NCK2: variants seen among roughly 807,000 people sequenced by gnomAD.
NCK2 encodes the protein cytoplasmic protein NCK2.
A neutral mutation model predicts 33.9 loss-of-function variants in NCK2; 16 were observed. That is an observed-to-expected ratio of 0.47 (90% CI 0.32 to 0.72). The LOEUF is 0.72. Among genes scored for constraint, NCK2 ranks in the 30% least tolerant of loss-of-function variants. The pLI, the probability that NCK2 is intolerant of heterozygous loss-of-function variation, is 0.03. For synonymous variants in NCK2, 273 were observed against 239.9 expected, an observed-to-expected ratio of 1.14 and a Z score of -1.27; for missense variants, 418 against 537.3, an observed-to-expected ratio of 0.78 and a Z score of 2.19.
At chr2:105,808,180 G>C (rs931495301) in intron 1 of NCK2, among the ~76,000 whole-genome samples, 3 of 152,180 alleles carry the variant, frequency 2.0e-5, no homozygotes, top group African/African-American at 7.2e-5. Context: ...TTACAGGCGT[G>C]AGCCACTGTG....
chr2:105,786,029 T>C (rs1469098449), intron 1 of NCK2, among the ~76,000 whole-genome samples: 1 of 152,194 alleles, frequency 6.6e-6, no homozygotes, highest in Non-Finnish European at 1.5e-5. Flanking sequence ...TCTGTCAATT[T>C]TCTCATTTAC....
chr2:105,866,207 G>T (rs1051798544), intron 3 of NCK2, among the ~76,000 whole-genome samples: 1 of 152,176 alleles, frequency 6.6e-6, no homozygotes, highest in Non-Finnish European at 1.5e-5. Context: ...AGCCACCGTG[G>T]CCAGCTGGGA....
chr2:105,804,674 G>C (rs1401283409), intron 1 of NCK2, among the ~76,000 whole-genome samples: 2 of 152,148 alleles, frequency 1.3e-5, no homozygotes, highest in Non-Finnish European at 1.5e-5. Flanking sequence ...CCTCTTCATT[G>C]ACTGCTTGCA....
At chr2:105,772,422 T>A (rs577488218) in intron 1 of NCK2, among the ~76,000 whole-genome samples, 3 of 152,216 alleles carry the variant, frequency 2.0e-5, no homozygotes, top group African/African-American at 7.2e-5. Context: ...AATGTGGGCA[T>A]AGTCCTGGGT....
intron 1 of NCK2, among the ~76,000 whole-genome samples, chr2:105,801,070 G>A (rs1674815672): frequency 6.6e-6 from 1 of 152,240 alleles, no homozygotes; most frequent in Non-Finnish European, 1.5e-5. Context: ...GGTGAAAGCT[G>A]GGCGTGCTGA....
intron 2 of NCK2, among the ~76,000 whole-genome samples, chr2:105,820,605 G>A (rs569640640): frequency 3.9e-5 from 6 of 152,194 alleles, no homozygotes; most frequent in Non-Finnish European, 8.8e-5. Context: ...GGAGACCATA[G>A]GAAGAGCCAG....
At chr2:105,787,493 G>A (rs567714761) in intron 1 of NCK2, among the ~76,000 whole-genome samples, 1 of 152,252 alleles carries the variant, frequency 6.6e-6, no homozygotes, top group African/African-American at 2.4e-5. Context: ...GGCAGCCATC[G>A]GCAAGCCAGA....
chr2:105,789,133 A>C (rs1421566297), intron 1 of NCK2, among the ~76,000 whole-genome samples: 1 of 152,074 alleles, frequency 6.6e-6, no homozygotes, highest in African/African-American at 2.4e-5. Context: ...CTCGGCTCCC[A>C]TAGCGGGTGT....
At chr2:105,806,563 G>A (rs898975296) in intron 1 of NCK2, among the ~76,000 whole-genome samples, 4 of 151,980 alleles carry the variant, frequency 2.6e-5, no homozygotes, top group Non-Finnish European at 5.9e-5. Flanking sequence ...ATTCATCAGT[G>A]GACACTTAGA....
chr2:105,826,375 TTG>T (rs1675944225), intron 2 of NCK2, among the ~76,000 whole-genome samples: 1 of 152,064 alleles, frequency 6.6e-6, no homozygotes, highest in Non-Finnish European at 1.5e-5. Flanking sequence ...AAGATAAGAT[TTG>T]GGTGGGGACA....
At chr2:105,773,274 T>G (rs1000352404) in intron 1 of NCK2, among the ~76,000 whole-genome samples, 1 of 152,004 alleles carries the variant, frequency 6.6e-6, no homozygotes, top group African/African-American at 2.4e-5. Context: ...TTGCAGTTGT[T>G]TCTCGAATCC....
chr2:105,800,037 T>C (rs1024877135), intron 1 of NCK2, among the ~76,000 whole-genome samples: 2 of 152,240 alleles, frequency 1.3e-5, no homozygotes, highest in Admixed American at 6.5e-5. Flanking sequence ...TCTTTGTTCA[T>C]GTGGTATCAT....
chr2:105,867,523 C>G (rs1195612156), intron 3 of NCK2, among the ~76,000 whole-genome samples: 1 of 152,034 alleles, frequency 6.6e-6, no homozygotes, highest in Non-Finnish European at 1.5e-5. Context: ...GAGGATACTT[C>G]GAGAGAAAAT....
intron 4 of NCK2, among the ~76,000 whole-genome samples, chr2:105,892,131 C>T (rs1324338239): frequency 1.3e-5 from 2 of 151,802 alleles, no homozygotes; most frequent in African/African-American, 4.8e-5. Flanking sequence ...TTGCAGTGAG[C>T]CAAGATCACA....
chr2:105,849,213 T>C (rs1320185370), intron 2 of NCK2, among the ~76,000 whole-genome samples: 1 of 152,160 alleles, frequency 6.6e-6, no homozygotes, highest in African/African-American at 2.4e-5. Flanking sequence ...ATATTTTTTG[T>C]AGATAACCCC....
intron 1 of NCK2, among the ~76,000 whole-genome samples, chr2:105,787,922 T>C (rs543148256): frequency 3.3e-5 from 5 of 151,480 alleles, no homozygotes; most frequent in Non-Finnish European, 7.4e-5. Flanking sequence ...CCCCGACTTG[T>C]AGATCCCTGG....
Position 105,864,594 on chromosome 2 carries a change from T to C in NCK2, c.226+9305T>C, listed in dbSNP as rs545881036. On this transcript the variant is annotated intron_variant, in intron 3 of 4. Transcript: ENST00000233154. ...GAGGTACACAGTTATCCTTATGACA[T>C]ACTTCTTTATGTCAGTGAATTTTCA... Among the ~76,000 whole-genome samples the C allele has an allele frequency of 5.3e-5, 8 of 152,190 alleles. No homozygotes were observed. The East Asian group carries it at 1.5e-3, about 29-fold the overall frequency.
intron 3 of NCK2, among the ~76,000 whole-genome samples, chr2:105,866,978 GTTC>G (rs975627359): frequency 1.4e-4 from 22 of 152,198 alleles, no homozygotes; most frequent in African/African-American, 5.3e-4. Flanking sequence ...TGAGTTGAAT[GTTC>G]TTCAGGAATG....
At chr2:105,805,882 C>T (rs1675015068) in intron 1 of NCK2, among the ~76,000 whole-genome samples, 1 of 152,112 alleles carries the variant, frequency 6.6e-6, no homozygotes, top group East Asian at 1.9e-4. Context: ...TGGATTTTTC[C>T]AGATTTTGGA....
Sources: gnomAD v4.1 joint callset for allele counts (sites outside exome capture counted in the v4.1 genomes callset) on GRCh38, gnomAD v4.1.1 for gene constraint, MANE v1.5 for transcripts, NCBI Gene and HGNC (gene_info 2026-07-23, HGNC 2026-07-21) for gene names.